Variants in BIRC6 observed in about 807,000 individuals in gnomAD.
The protein encoded by BIRC6 is baculoviral IAP repeat containing 6, also known as dual E2 ubiquitin-conjugating enzyme/E3 ubiquitin-protein ligase BIRC6.
Under a neutral mutation model 503.3 loss-of-function variants are expected in BIRC6, and 98 were observed. The observed-to-expected ratio is 0.19, with a 90% CI of 0.17 to 0.23. The LOEUF is 0.23. BIRC6 is among the 10% of genes least tolerant of loss of function. The pLI, the probability that BIRC6 is intolerant of heterozygous loss-of-function variation, is 1.00. For synonymous variants in BIRC6, 2,240 were observed against 2,078.7 expected (o/e 1.08, Z -2.11); for missense variants, 5,360 against 5,806.0 (o/e 0.92, Z 2.50).
intron 62 of BIRC6, among the ~76,000 whole-genome samples, chr2:32,544,388 G>T (rs2057900818): frequency 6.6e-6 from 1 of 151,636 alleles, no homozygotes; most frequent in Non-Finnish European, 1.5e-5. Context: ...GTTTCCATTG[G>T]GTTGGCATTG....
chr2:32,442,563 T>A, intron 19 of BIRC6, 108 bp downstream of exon 19: 1 of 1,234,316 alleles, frequency 8.1e-7, no homozygotes, highest in Admixed American at 3.5e-5. Flanking sequence ...TATGTATAAT[T>A]TAAGAGAATT....
intron 1 of BIRC6, among the ~76,000 whole-genome samples, chr2:32,370,928 C>G (rs1177939996): frequency 6.6e-6 from 1 of 152,058 alleles, no homozygotes; most frequent in Non-Finnish European, 1.5e-5. Context: ...AACATTTTTG[C>G]AAGTTTTTTA....
chr2:32,546,418 A>G (rs2058055686), intron 63 of BIRC6, among the ~76,000 whole-genome samples: 1 of 152,042 alleles, frequency 6.6e-6, no homozygotes, highest in African/African-American at 2.4e-5. Context: ...TGTCTCTACT[A>G]AAAATGCAAA....
intron 23 of BIRC6, among the ~76,000 whole-genome samples, chr2:32,460,247 T>G (rs888715131): frequency 1.1e-4 from 3 of 26,538 alleles, no homozygotes; most frequent in Admixed American, 5.8e-4. Flanking sequence ...TCGTATATGA[T>G]ATATATATAT....
chr2:32,414,965 G>A lies in BIRC6; in HGVS notation c.1674G>A (p.Glu558=). Residue 558 remains glutamate (E), a synonymous_variant, in exon 10 of 74, where the codon GAG becomes GAA. Coordinates refer to ENST00000421745, the MANE Select transcript of BIRC6 (RefSeq NM_016252.4). ...KSEKTKEKHQ[E]QHNIPFPCLL... is the part of the protein sequence containing the mutation. The stretch of plus-strand genomic sequence containing the variant: ...AAAAGACAAAGGAAAAGCACCAGGA[G>A]CAACACAACATTCCTTTTCCATGTT... The A allele has an allele frequency of 1.9e-6, 3 of 1,613,938 alleles. No individual in the cohort carries two copies. The highest frequency in any genetic ancestry group is 2.5e-6 in the Non-Finnish European group (3 of 1,179,874).
At chr2:32,566,224 T>C (rs2059524939) in intron 65 of BIRC6, 1 of 152,204 alleles carries the variant, frequency 6.6e-6, no homozygotes, top group Non-Finnish European at 1.5e-5. Flanking sequence ...GGCTACATAA[T>C]GGGCATTTAG....
intron 66 of BIRC6, among the ~76,000 whole-genome samples, chr2:32,593,105 A>G (rs1044435798): frequency 6.6e-6 from 1 of 152,224 alleles, no homozygotes; most frequent in Non-Finnish European, 1.5e-5. Context: ...GTTTGTTTCA[A>G]ATGATCTATT....
intron 26 of BIRC6, among the ~76,000 whole-genome samples, chr2:32,466,436 C>T (rs1203599619): frequency 6.6e-6 from 1 of 152,106 alleles, no homozygotes; most frequent in African/African-American, 2.4e-5. Context: ...GTTTGAGATC[C>T]ATTAGAGGAC....
chr2:32,605,765 G>T (rs1417000475), intron 71 of BIRC6, among the ~76,000 whole-genome samples: 1 of 152,144 alleles, frequency 6.6e-6, no homozygotes, highest in Non-Finnish European at 1.5e-5. Context: ...GGCTGAGGCA[G>T]AAGAATTGCT....
At chr2:32,443,141 G>C (rs984447000) in intron 19 of BIRC6, among the ~76,000 whole-genome samples, 49 of 152,256 alleles carry the variant, frequency 3.2e-4, no homozygotes, top group African/African-American at 1.1e-3. Flanking sequence ...CCTGTGTTTA[G>C]ACTGCACTTG....
At position 32,413,375 on chromosome 2, in the gene BIRC6, T is replaced by A. The variant is rs141618793; in HGVS notation, c.1478-1394T>A. Among the ~76,000 whole-genome samples, 1,067 of 152,052 alleles carry A rather than the reference T, an allele frequency of 7.0e-3. 17 individuals are homozygous for A. The highest frequency in any genetic ancestry group is 0.025 in the African/African-American group (1,041 of 41,464). ...TTGCATTTTTAGTAGAAATGGGGTT[T>A]CTCCATGTTGGTCAGGCTGGTCTCA... is the stretch of plus-strand genomic sequence containing the variant. On this transcript the variant is annotated intron_variant, in intron 9 of 73. Transcript: ENST00000421745.
chr2:32,401,726 G>C, intron 8 of BIRC6, 103 bp downstream of exon 8: 1 of 992,608 alleles, frequency 1.0e-6, no homozygotes, highest in Non-Finnish European at 1.4e-6. Flanking sequence ...AAAAAGTTAC[G>C]CAGTTAAGAG....
intron 30 of BIRC6, 148 bp from the exon 31 acceptor site, chr2:32,470,020 A>G (rs1418064579): frequency 1.5e-5 from 10 of 689,494 alleles, no homozygotes; most frequent in Non-Finnish European, 2.1e-5. Context: ...TCCAGATACA[A>G]ATCTTGCTTT....
At chr2:32,381,922 G>C (rs927710792) in intron 3 of BIRC6, among the ~76,000 whole-genome samples, 1 of 151,548 alleles carries the variant, frequency 6.6e-6, no homozygotes, top group East Asian at 1.9e-4. Flanking sequence ...CTTCTTAGTA[G>C]TTGCATTGAA....
At position 32,423,767 on chromosome 2, in the gene BIRC6, A is replaced by G. The variant is rs974177267; in HGVS notation, c.2873-5379A>G. Among the ~76,000 whole-genome samples, 5 of 152,320 alleles carry G rather than the reference A, an allele frequency of 3.3e-5. No homozygotes were observed. In the East Asian group the frequency reaches 9.6e-4, roughly 29 times the overall value. ...AAATGGAAAATTTCAGAAATCAACAATTGATAATTATTAAATTACTCACCA... is the reference window on the plus strand; with the variant it reads ...AAATGGAAAATTTCAGAAATCAACAGTTGATAATTATTAAATTACTCACCA... On this transcript the variant is annotated intron_variant, in intron 10 of 73. Coordinates refer to ENST00000421745, the MANE Select transcript of BIRC6 (RefSeq NM_016252.4).
chr2:32,489,296 T>C (rs2051392705), intron 42 of BIRC6, among the ~76,000 whole-genome samples: 1 of 152,118 alleles, frequency 6.6e-6, no homozygotes, highest in Non-Finnish European at 1.5e-5. Context: ...TGTAGCTTGC[T>C]TGGGTCTTAC....
At chr2:32,509,119 G>A (rs2054122291) in intron 51 of BIRC6, among the ~76,000 whole-genome samples, 2 of 151,992 alleles carry the variant, frequency 1.3e-5, no homozygotes, top group Admixed American at 1.3e-4. Flanking sequence ...AGACTACACA[G>A]TTTTAGAAGT....
intron 30 of BIRC6, 83 bp from the exon 31 acceptor site, chr2:32,470,085 T>G: frequency 8.5e-7 from 1 of 1,178,942 alleles, no homozygotes; most frequent in Non-Finnish European, 1.1e-6. Flanking sequence ...CATTACTCTG[T>G]TAAATTTCTA....
chr2:32,527,159 G>A (rs1006185351), intron 59 of BIRC6: 2 of 152,220 alleles, frequency 1.3e-5, no homozygotes, highest in African/African-American at 4.8e-5. Context: ...TTTTCAAGGA[G>A]TGAATTTCTT....
Sources: gnomAD v4.1 joint callset for allele counts (sites outside exome capture counted in the v4.1 genomes callset) on GRCh38, gnomAD v4.1.1 for gene constraint, MANE v1.5 for transcripts, NCBI Gene and HGNC (gene_info 2026-07-23, HGNC 2026-07-21) for gene names.